ADGB: variants seen among roughly 807,000 people sequenced by gnomAD.
ADGB encodes the protein androglobin.
ADGB carries 172 observed loss-of-function variants against 210.5 expected under a neutral mutation model. The ratio of observed to expected loss-of-function variants is 0.82; its 90% CI spans 0.72 to 0.93. ADGB has a LOEUF of 0.93. Ranked by LOEUF, ADGB falls within the 40% of genes least tolerant of loss-of-function variation. The pLI, the probability that ADGB is intolerant of heterozygous loss-of-function variation, is 0.00. For synonymous variants in ADGB, 658 were observed against 662.7 expected (o/e 0.99, Z 0.11); for missense variants, 2,025 against 1,964.8 (o/e 1.03, Z -0.58).
At chr6:146,696,632 A>G (rs1025032726) in intron 12 of ADGB, among the ~76,000 whole-genome samples, 12 of 152,254 alleles carry the variant, frequency 7.9e-5, no homozygotes, top group African/African-American at 2.6e-4. Flanking sequence ...TAAAACAAAG[A>G]TACTATTGAA....
At chr6:146,773,906 G>A (rs901861790) in intron 29 of ADGB, among the ~76,000 whole-genome samples, 2 of 152,244 alleles carry the variant, frequency 1.3e-5, no homozygotes, top group South Asian at 2.1e-4. Context: ...TATGAGGTAG[G>A]TGTTATTACT....
chr6:146,637,061 T>G (rs1775434500), intron 2 of ADGB, among the ~76,000 whole-genome samples: 1 of 152,002 alleles, frequency 6.6e-6, no homozygotes, highest in African/African-American at 2.4e-5. Flanking sequence ...AAGGTTATTA[T>G]AAGGGACACT....
intron 27 of ADGB, among the ~76,000 whole-genome samples, chr6:146,763,186 C>G (rs1777520977): frequency 6.6e-6 from 1 of 152,142 alleles, no homozygotes; most frequent in Admixed American, 6.5e-5. Flanking sequence ...TTGTATGTTT[C>G]CCTTGTCTCA....
intron 35 of ADGB, chr6:146,803,531 TCA>T (rs1778163435): frequency 3.8e-6 from 6 of 1,591,180 alleles, no homozygotes; most frequent in Non-Finnish European, 5.1e-6. Context: ...TCTGGGCTTT[TCA>T]CAGTTTGTCC....
chr6:146,607,557 T>C (rs1780649678), intron 1 of ADGB, among the ~76,000 whole-genome samples: 1 of 152,082 alleles, frequency 6.6e-6, no homozygotes, highest in African/African-American at 2.4e-5. Context: ...ATTATTTTGA[T>C]GTATGTTCCT....
intron 33 of ADGB, 95 bp downstream of exon 33, chr6:146,788,705 T>C: frequency 1.8e-6 from 2 of 1,128,018 alleles, no homozygotes; most frequent in East Asian, 2.6e-5. Flanking sequence ...GCTAGGGCTA[T>C]AGAAGTAGAA....
chr6:146,723,922 C>T (rs1378868777), intron 17 of ADGB, among the ~76,000 whole-genome samples: 5 of 152,030 alleles, frequency 3.3e-5, no homozygotes, highest in Admixed American at 1.3e-4. Flanking sequence ...TGAAAAATGT[C>T]CTCCTGATTC....
intron 16 of ADGB, among the ~76,000 whole-genome samples, chr6:146,720,284 C>T (rs2114570219): frequency 6.6e-6 from 1 of 152,054 alleles, no homozygotes; most frequent in South Asian, 2.1e-4. Context: ...AACTCTGTGA[C>T]CTTTGGTAAA....
At chr6:146,709,045 T>C (rs548214939) in intron 13 of ADGB, among the ~76,000 whole-genome samples, 1 of 152,300 alleles carries the variant, frequency 6.6e-6, no homozygotes, top group Admixed American at 6.5e-5. Context: ...TGTTCACCTC[T>C]AGAATTTCTG....
chr6:146,629,250 C>T (rs906467281), intron 1 of ADGB, among the ~76,000 whole-genome samples: 3 of 152,104 alleles, frequency 2.0e-5, no homozygotes, highest in African/African-American at 7.2e-5. Context: ...TGCCAGTGGA[C>T]TTCAAAGGCA....
chr6:146,691,461 A>ATT (rs1554231910), intron 11 of ADGB, among the ~76,000 whole-genome samples, 171 bp downstream of exon 11: 1 of 18,242 alleles, frequency 5.5e-5, no homozygotes, highest in African/African-American at 4.7e-4. Flanking sequence ...TATATATAAA[A>ATT]ATATATATAT....
chr6:146,731,261 GC>G (rs1407255670), intron 20 of ADGB, among the ~76,000 whole-genome samples: 1 of 151,630 alleles, frequency 6.6e-6, no homozygotes, highest in African/African-American at 2.4e-5. Context: ...GTCTGATAGT[GC>G]CCCCACCCTT....
chr6:146,698,881 C>A (rs959635167), intron 12 of ADGB, among the ~76,000 whole-genome samples: 4 of 151,930 alleles, frequency 2.6e-5, no homozygotes, highest in Admixed American at 1.3e-4. Context: ...TTCCACCATG[C>A]CCAGCATAAA....
chr6:146,658,616 A>G (rs1308473001), intron 5 of ADGB, among the ~76,000 whole-genome samples: 1 of 152,180 alleles, frequency 6.6e-6, no homozygotes, highest in Non-Finnish European at 1.5e-5. Context: ...TTCCTCCTGC[A>G]TAGGAGTTAA....
chr6:146,778,980 A>G (rs1335542910), intron 29 of ADGB, among the ~76,000 whole-genome samples: 1 of 152,186 alleles, frequency 6.6e-6, no homozygotes, highest in African/African-American at 2.4e-5. Context: ...TTGTTCAAGG[A>G]AAAAACAGCT....
intron 23 of ADGB, 30 bp downstream of exon 23, chr6:146,736,621 A>G: frequency 2.8e-6 from 4 of 1,448,440 alleles, no homozygotes; most frequent in Non-Finnish European, 3.8e-6. Flanking sequence ...TTTTTATTGC[A>G]GTATATTGTC....
At chr6:146,780,403 A>G (rs995707903) in intron 29 of ADGB, among the ~76,000 whole-genome samples, 5 of 152,146 alleles carry the variant, frequency 3.3e-5, no homozygotes, top group African/African-American at 1.2e-4. Context: ...AAAGGCAGCA[A>G]ATGGCTGAAT....
chr6:146,798,628 CTG>C (rs146983048), intron 33 of ADGB, among the ~76,000 whole-genome samples: 8,925 of 151,580 alleles, frequency 0.059, 918 homozygotes, highest in African/African-American at 0.21. Context: ...AGAAGTAAAA[CTG>C]TATTCTCCGA....
chr6:146,763,284 C>T (rs556264024), intron 27 of ADGB, among the ~76,000 whole-genome samples: 13 of 152,128 alleles, frequency 8.5e-5, no homozygotes, highest in South Asian at 4.2e-4. Context: ...TTTTGTGGTA[C>T]GAGAATAAGC....
Sources: gnomAD v4.1 joint callset for allele counts (sites outside exome capture counted in the v4.1 genomes callset) on GRCh38, gnomAD v4.1.1 for gene constraint, MANE v1.5 for transcripts, NCBI Gene and HGNC (gene_info 2026-07-23, HGNC 2026-07-21) for gene names.